The following LINGO2 variants were observed in gnomAD, a reference collection of about 807,000 sequenced individuals.
LINGO2 encodes the protein leucine-rich repeat and immunoglobulin-like domain-containing nogo receptor-interacting protein 2.
A neutral mutation model predicts 30.6 loss-of-function variants in LINGO2; 14 were observed. The observed-to-expected ratio is 0.46, with a 90% CI of 0.30 to 0.72. The LOEUF is 0.72. Among genes scored for constraint, LINGO2 ranks in the 30% least tolerant of loss-of-function variants. The probability of loss-of-function intolerance (pLI) is 0.07; values close to 1 mark genes in which losing one functional copy is unlikely to be tolerated. For missense variants in LINGO2, 729 were observed against 751.7 expected (o/e 0.97, Z 0.35); for synonymous variants, 317 against 288.5 (o/e 1.10, Z -1.00).
chr9:28,629,978 T>C (rs1182703639), intron 1 of LINGO2, among the ~76,000 whole-genome samples: 2 of 149,924 alleles, frequency 1.3e-5, no homozygotes, highest in Admixed American at 1.4e-4. Flanking sequence ...TGTGTCCATG[T>C]GATCTCATTG....
chr9:28,768,212 T>C, the LINGO2 span, among the ~76,000 whole-genome samples: 1 of 152,200 alleles, frequency 6.6e-6, no homozygotes, highest in Non-Finnish European at 1.5e-5. Context: ...CAATAATGAA[T>C]TGTTTCCCTG....
chr9:28,689,829 A>G, the LINGO2 span, among the ~76,000 whole-genome samples: 1 of 152,226 alleles, frequency 6.6e-6, no homozygotes, highest in African/African-American at 2.4e-5. Flanking sequence ...CTAAATGACC[A>G]TCAATGATAG....
At chr9:28,854,691 GT>G in the LINGO2 span, among the ~76,000 whole-genome samples, 4 of 151,864 alleles carry the variant, frequency 2.6e-5, no homozygotes, top group Admixed American at 2.6e-4. Flanking sequence ...GGTGCCTTTG[GT>G]TTTGGGCAGT....
rs79405596 is a variant in LINGO2 at position 28,177,387 on chromosome 9, C to T, written c.-87+117821G>A. ...ATTTTCCAAAACTCCTAGGGAAATC[C>T]GAATTTACGCCTTCTGATTTCTGAA... On this transcript the variant is annotated intron_variant, in intron 4 of 5. Coordinates refer to ENST00000379992, the Ensembl canonical transcript of LINGO2. Among the ~76,000 whole-genome samples the T allele has an allele frequency of 5.4e-3, 823 of 152,212 alleles. 7 individuals are homozygous for T. The highest frequency in any genetic ancestry group is 0.017 in the African/African-American group (723 of 41,534).
intron 4 of LINGO2, among the ~76,000 whole-genome samples, chr9:28,205,022 A>G (rs1015578598): frequency 6.6e-6 from 1 of 152,166 alleles, no homozygotes; most frequent in African/African-American, 2.4e-5. Flanking sequence ...TGGTCTTCAT[A>G]TGTGACTATT....
chr9:28,392,573 C>G (rs372796124), intron 2 of LINGO2, among the ~76,000 whole-genome samples: 1 of 152,084 alleles, frequency 6.6e-6, no homozygotes, highest in African/African-American at 2.4e-5. Flanking sequence ...TCAGTTAAAC[C>G]GCATTCCCAA....
At chr9:28,969,330 G>A in the LINGO2 span, among the ~76,000 whole-genome samples, 1 of 152,104 alleles carries the variant, frequency 6.6e-6, no homozygotes, top group Non-Finnish European at 1.5e-5. Context: ...AAAAATCCAA[G>A]CAAGAGTAAC....
At chr9:28,691,332 C>T in the LINGO2 span, among the ~76,000 whole-genome samples, 1 of 152,118 alleles carries the variant, frequency 6.6e-6, no homozygotes, top group African/African-American at 2.4e-5. Flanking sequence ...TATTTTCCTG[C>T]TCGCTCACCC....
chr9:29,041,653 C>G, the LINGO2 span, among the ~76,000 whole-genome samples: 1 of 151,876 alleles, frequency 6.6e-6, no homozygotes, highest in South Asian at 2.1e-4. Flanking sequence ...CAAAAATGGA[C>G]TCAAAATGTG....
intron 5 of LINGO2, among the ~76,000 whole-genome samples, chr9:27,988,949 ACC>A (rs1414592829): frequency 2.6e-5 from 4 of 151,796 alleles, no homozygotes; most frequent in Admixed American, 2.0e-4. Context: ...CACTGCTACC[ACC>A]CTAGTTCACA....
intron 4 of LINGO2, among the ~76,000 whole-genome samples, chr9:28,180,296 A>G (rs1828876238): frequency 6.6e-6 from 1 of 152,174 alleles, no homozygotes; most frequent in African/African-American, 2.4e-5. Flanking sequence ...GGTCCCCAGT[A>G]AACTCAGCAG....
At chr9:28,389,690 C>A (rs557423791) in intron 2 of LINGO2, among the ~76,000 whole-genome samples, 2 of 152,312 alleles carry the variant, frequency 1.3e-5, no homozygotes, top group African/African-American at 2.4e-5. Context: ...CAACTTCCCA[C>A]ACGAAACAAA....
intron 1 of LINGO2, among the ~76,000 whole-genome samples, chr9:28,638,605 G>A (rs757987838): frequency 9.2e-5 from 14 of 152,210 alleles, no homozygotes; most frequent in East Asian, 1.9e-4. Context: ...GTATATTTGC[G>A]TAGAGGTGTT....
chr9:28,641,906 C>G (rs772485439), intron 1 of LINGO2, among the ~76,000 whole-genome samples: 2 of 151,990 alleles, frequency 1.3e-5, no homozygotes, highest in Admixed American at 6.6e-5. Context: ...ATCTTAAGAA[C>G]TGTTCTCAGT....
the LINGO2 span, among the ~76,000 whole-genome samples, chr9:28,841,013 G>A: frequency 2.6e-5 from 4 of 151,668 alleles, 1 homozygote; most frequent in African/African-American, 9.7e-5. Context: ...TTTCATTCTT[G>A]TTTTGTTTTT....
At chr9:29,185,303 C>T in the LINGO2 span, among the ~76,000 whole-genome samples, 1 of 152,070 alleles carries the variant, frequency 6.6e-6, no homozygotes, top group Non-Finnish European at 1.5e-5. Flanking sequence ...AAGTAAGTCT[C>T]AAGGGGTGGG....
At chr9:28,938,556 G>A in the LINGO2 span, among the ~76,000 whole-genome samples, 1 of 152,196 alleles carries the variant, frequency 6.6e-6, no homozygotes, top group African/African-American at 2.4e-5. Context: ...CTATCGCCTA[G>A]TGACATCATA....
chr9:28,862,557 C>A, the LINGO2 span, among the ~76,000 whole-genome samples: 1 of 151,990 alleles, frequency 6.6e-6, no homozygotes, highest in Non-Finnish European at 1.5e-5. Flanking sequence ...AGAGCATATG[C>A]ATAATCCACT....
chr9:28,274,405 A>T (rs1167960096), intron 4 of LINGO2, among the ~76,000 whole-genome samples: 2 of 152,208 alleles, frequency 1.3e-5, no homozygotes, highest in Admixed American at 6.5e-5. Flanking sequence ...ATCAAGATAT[A>T]TTTGATAGCA....
Sources: gnomAD v4.1 joint callset for allele counts (sites outside exome capture counted in the v4.1 genomes callset) on GRCh38, gnomAD v4.1.1 for gene constraint, MANE v1.5 for transcripts, NCBI Gene and HGNC (gene_info 2026-07-23, HGNC 2026-07-21) for gene names.